Variants in PCNX1 observed in about 807,000 individuals in gnomAD.
PCNX1 encodes the protein pecanex-like protein 1.
Under a neutral mutation model 242.2 loss-of-function variants are expected in PCNX1, and 78 were observed. The ratio of observed to expected loss-of-function variants is 0.32; its 90% CI spans 0.27 to 0.39. PCNX1 has a LOEUF of 0.39. PCNX1 is among the 10% of genes least tolerant of loss of function. PCNX1 has a pLI of 1.00. For synonymous variants in PCNX1, 1,024 were observed against 1,032.9 expected, an observed-to-expected ratio of 0.99 and a Z score of 0.17; for missense variants, 2,581 against 2,856.5, an observed-to-expected ratio of 0.90 and a Z score of 2.20.
chr14:71,077,166 A>G (rs1167053568), intron 28 of PCNX1, among the ~76,000 whole-genome samples: 2 of 152,274 alleles, frequency 1.3e-5, no homozygotes, highest in South Asian at 2.1e-4. Context: ...GTCTTATCCT[A>G]AAAGTAAGAT....
intron 12 of PCNX1, among the ~76,000 whole-genome samples, chr14:71,022,412 G>A (rs185479469): frequency 6.6e-6 from 1 of 152,268 alleles, no homozygotes; most frequent in East Asian, 1.9e-4. Flanking sequence ...AGAAAGACAA[G>A]AACAGAAGCA....
chr14:71,016,424 G>T (rs1463863869), intron 11 of PCNX1, among the ~76,000 whole-genome samples: 1 of 152,114 alleles, frequency 6.6e-6, no homozygotes, highest in Non-Finnish European at 1.5e-5. Context: ...ATGGAACACT[G>T]CATCCATAAC....
At position 71,102,232 on chromosome 14, in the gene PCNX1, A is replaced by T. The variant is rs1192591720; in HGVS notation, c.5820+12A>T. ...TCAGGGTCATTAAAGTAAGTGTTTGAGGTATTTATTTGGTCCAAAACATAG... is the reference window on the plus strand; with the variant it reads ...TCAGGGTCATTAAAGTAAGTGTTTGTGGTATTTATTTGGTCCAAAACATAG... On this transcript the variant is annotated intron_variant, in intron 31 of 35. Transcript: ENST00000304743. 8.2e-6 allele frequency: 13 copies of T among 1,588,526 alleles called. No individual in the cohort carries two copies. The highest frequency in any genetic ancestry group is 1.0e-5 in the Non-Finnish European group (12 of 1,156,942).
At chr14:71,086,573 C>G (rs994284854) in intron 28 of PCNX1, among the ~76,000 whole-genome samples, 2 of 152,240 alleles carry the variant, frequency 1.3e-5, no homozygotes, top group African/African-American at 4.8e-5. Flanking sequence ...CAAGACAATG[C>G]CATCCTGAGT....
chr14:71,088,293 A>G (rs2062043215), intron 28 of PCNX1, 37 bp from the exon 29 acceptor site: 1 of 1,192,084 alleles, frequency 8.4e-7, no homozygotes, highest in Non-Finnish European at 1.3e-6. Context: ...ATACTTACAT[A>G]CCTTTCTGAT....
chr14:71,041,186 A>G (rs2060693445), intron 19 of PCNX1, among the ~76,000 whole-genome samples: 1 of 152,130 alleles, frequency 6.6e-6, no homozygotes, highest in Non-Finnish European at 1.5e-5. Context: ...TTTTGAGTAT[A>G]TATCCAGCAT....
At chr14:71,109,679 C>CT (rs1161464851) in intron 35 of PCNX1, 87 bp downstream of exon 35, 34 of 1,575,824 alleles carry the variant, frequency 2.2e-5, no homozygotes, top group Non-Finnish European at 2.6e-5. Flanking sequence ...CTGATTTATA[C>CT]TTAAACGTAT....
At chr14:70,975,389 T>C (rs2058663044) in intron 5 of PCNX1, among the ~76,000 whole-genome samples, 1 of 152,174 alleles carries the variant, frequency 6.6e-6, no homozygotes, top group African/African-American at 2.4e-5. Context: ...TAAAGTGTAA[T>C]TGGACATTTA....
chr14:71,011,722 T>G, intron 10 of PCNX1, 173 bp downstream of exon 10: 1 of 577,314 alleles, frequency 1.7e-6, no homozygotes, highest in South Asian at 2.3e-5. Flanking sequence ...TTCTAAGTCC[T>G]TTGATAAGAA....
chr14:70,969,298 C>G, intron 5 of PCNX1, 188 bp downstream of exon 5: 1 of 512,074 alleles, frequency 2.0e-6, no homozygotes, highest in Non-Finnish European at 3.5e-6. Flanking sequence ...TACTTGAACT[C>G]AGTTATACAT....
chr14:71,088,508 C>A, intron 29 of PCNX1, 78 bp downstream of exon 29: 1 of 790,002 alleles, frequency 1.3e-6, no homozygotes, highest in Non-Finnish European at 2.2e-6. Context: ...TTTTCATGGA[C>A]GCATGTATTC....
chr14:71,047,146 G>T (rs998219217), intron 21 of PCNX1, 41 bp downstream of exon 21: 3 of 1,224,662 alleles, frequency 2.4e-6, no homozygotes, highest in South Asian at 1.8e-5. Flanking sequence ...ACTACTGGGG[G>T]CTGTTATAAA....
intron 8 of PCNX1, among the ~76,000 whole-genome samples, chr14:71,003,317 C>G (rs1387386738): frequency 6.6e-6 from 1 of 152,034 alleles, no homozygotes; most frequent in Non-Finnish European, 1.5e-5. Flanking sequence ...TCTCGAACTC[C>G]TGACGTCAGG....
At chr14:71,083,011 G>C (rs968308460) in intron 28 of PCNX1, among the ~76,000 whole-genome samples, 2 of 152,050 alleles carry the variant, frequency 1.3e-5, no homozygotes, top group East Asian at 1.9e-4. Flanking sequence ...TCCATATTTA[G>C]TGCTTCCTTC....
At chr14:70,984,665 C>T (rs1483410487) in intron 6 of PCNX1, among the ~76,000 whole-genome samples, 4 of 152,130 alleles carry the variant, frequency 2.6e-5, no homozygotes, top group South Asian at 2.1e-4. Flanking sequence ...GGATTACAGG[C>T]GTGAGCCACC....
At position 71,102,144 on chromosome 14, in the gene PCNX1, A is replaced by G; in HGVS notation, c.5744A>G (p.His1915Arg). ...ANSPSLLALRHVMDDGTNEYK... is the reference protein window; with the variant it reads ...ANSPSLLALRRVMDDGTNEYK... The stretch of plus-strand genomic sequence containing the variant: ...TCTCCCTCCTTGCTTGCTCTGCGGC[A>G]TGTCATGGATGATGGCACCAATGAA... The change falls in exon 31 of 36, where the codon CAT becomes CGT. Residue 1915 changes from histidine to arginine, a missense_variant. Coordinates refer to ENST00000304743, the MANE Select transcript of PCNX1 (RefSeq NM_014982.3). The G allele has an allele frequency of 2.5e-6, 4 of 1,614,138 alleles. No individual in the cohort carries two copies. Among genetic ancestry groups the G allele is most frequent in the Middle Eastern group, 1.6e-4 (1 of 6,062 alleles).
chr14:71,041,690 A>G (rs1017356782), intron 19 of PCNX1, among the ~76,000 whole-genome samples: 3 of 151,414 alleles, frequency 2.0e-5, no homozygotes, highest in Admixed American at 6.6e-5. Flanking sequence ...AATTTCGTTT[A>G]TTTCTGCTCT....
At chr14:70,985,494 G>A (rs1052832250) in intron 6 of PCNX1, among the ~76,000 whole-genome samples, 6 of 152,178 alleles carry the variant, frequency 3.9e-5, no homozygotes, top group Non-Finnish European at 5.9e-5. Flanking sequence ...GATTACAGGC[G>A]TGAGCCACTG....
chr14:70,975,301 C>T (rs1001665674), intron 5 of PCNX1, among the ~76,000 whole-genome samples: 2 of 151,560 alleles, frequency 1.3e-5, no homozygotes, highest in Non-Finnish European at 2.9e-5. Context: ...GATATAAGAA[C>T]GCAACTACAG....
Sources: gnomAD v4.1 joint callset for allele counts (sites outside exome capture counted in the v4.1 genomes callset) on GRCh38, gnomAD v4.1.1 for gene constraint, MANE v1.5 for transcripts, NCBI Gene and HGNC (gene_info 2026-07-23, HGNC 2026-07-21) for gene names.